HMCN2: variants seen among roughly 807,000 people sequenced by gnomAD.
HMCN2 encodes hemicentin 2, also known as hemicentin-2.
In HMCN2, 325 loss-of-function variants were observed where a neutral mutation model predicts 377.5. That is an observed-to-expected ratio of 0.86 (90% CI 0.79 to 0.94). The LOEUF (loss-of-function observed/expected upper bound fraction) is 0.94, where lower values mean the gene tolerates loss of function less well. HMCN2 is among the 40% of genes least tolerant of loss of function. HMCN2 has a pLI of 0.00. For missense variants in HMCN2, 4,543 were observed against 4,725.3 expected (o/e 0.96, Z 1.13); for synonymous variants, 2,007 against 2,046.8 (o/e 0.98, Z 0.53).
Position 130,303,949 on chromosome 9 carries a change from A to G in HMCN2, c.1543+341A>G, listed in dbSNP as rs1255431004. 6.6e-6 allele frequency among the ~76,000 whole-genome samples: 1 copy of G among 152,178 alleles called. No individual in the cohort carries two copies. The highest frequency in any genetic ancestry group is 1.5e-5 in the Non-Finnish European group (1 of 68,032). ...TTCGTGCCTCCAAGTCCCGGCCAGG[A>G]TGGCGCCATCGAGCTGGGGAGGTTG... is the stretch of plus-strand genomic sequence containing the variant. On this transcript the variant is annotated intron_variant, in intron 10 of 97. Coordinates refer to ENST00000683500, the MANE Select transcript of HMCN2 (RefSeq NM_001291815.2). The surrounding 1 kb of genome is among the most constrained non-coding windows in gnomAD (Gnocchi z 5.2).
intron 82 of HMCN2, chr9:130,407,328 A>G (rs1843150593): frequency 3.7e-6 from 1 of 271,408 alleles, no homozygotes; most frequent in Non-Finnish European, 7.3e-6. Flanking sequence ...GAGGCCCCCA[A>G]AAACCTGCCC....
chr9:130,269,625 G>C (rs946683184), intron 1 of HMCN2, among the ~76,000 whole-genome samples: 7 of 148,158 alleles, frequency 4.7e-5, no homozygotes, highest in African/African-American at 1.7e-4. Context: ...ATATCTTCTT[G>C]TTTCAATTGC....
At chr9:130,330,575 T>G (rs1838374468) in intron 22 of HMCN2, among the ~76,000 whole-genome samples, 1 of 152,100 alleles carries the variant, frequency 6.6e-6, no homozygotes, top group South Asian at 2.1e-4. Flanking sequence ...GGTGGGCCAC[T>G]GCTCTCTGAA....
intron 4 of HMCN2, among the ~76,000 whole-genome samples, chr9:130,292,294 C>T (rs991754558): frequency 6.6e-5 from 10 of 152,204 alleles, no homozygotes; most frequent in African/African-American, 2.2e-4. Flanking sequence ...TCGCTCTGTG[C>T]GGACATCTAG....
At chr9:130,289,451 G>A (rs1835618576) in intron 4 of HMCN2, among the ~76,000 whole-genome samples, 1 of 152,130 alleles carries the variant, frequency 6.6e-6, no homozygotes. Context: ...AGGGGGAGGT[G>A]GTTAGGGTTT....
intron 94 of HMCN2, chr9:130,429,940 G>T (rs575134688): frequency 5.9e-6 from 4 of 673,502 alleles, no homozygotes; most frequent in Non-Finnish European, 9.5e-6. Flanking sequence ...GTCATCTTCC[G>T]GGGAATTTCA....
At chr9:130,336,673 T>A (rs1838764615) in intron 22 of HMCN2, among the ~76,000 whole-genome samples, 1 of 152,144 alleles carries the variant, frequency 6.6e-6, no homozygotes, top group Admixed American at 6.5e-5. Context: ...GGCTGCTGGA[T>A]GCTCGGGACA....
chr9:130,386,316 C>A, intron 60 of HMCN2, 127 bp from the exon 61 acceptor site: 1 of 394,458 alleles, frequency 2.5e-6, no homozygotes, highest in Non-Finnish European at 4.6e-6. Context: ...TTTGGCTCCC[C>A]AGTCAGGACC....
At chr9:130,306,337 C>T in intron 12 of HMCN2, 67 bp downstream of exon 12, 1 of 455,470 alleles carries the variant, frequency 2.2e-6, no homozygotes, top group South Asian at 1.6e-5. Context: ...GGGGACCTCT[C>T]TGGGCCTTGG....
At chr9:130,392,254 C>A in intron 66 of HMCN2, 136 bp downstream of exon 66, 1 of 563,334 alleles carries the variant, frequency 1.8e-6, no homozygotes, top group Non-Finnish European at 2.3e-6. Context: ...GTGGACTGCG[C>A]CCCAGATGCT....
At chr9:130,373,876 G>GGA (rs1841222235) in intron 48 of HMCN2, among the ~76,000 whole-genome samples, 2 of 74,386 alleles carry the variant, frequency 2.7e-5, no homozygotes, top group Non-Finnish European at 6.9e-5. Flanking sequence ...GTGTGGATGG[G>GGA]TGCATGGATG....
rs1265202009 is a variant in HMCN2, at chr9:130,357,964, G to A, written c.5556G>A (p.Leu1852=). Residue 1852 remains leucine, a synonymous_variant, in exon 35 of 98, where the codon CTG becomes CTA. Transcript: ENST00000683500. ...GTTGGTGGAAGGATGGTGTAGCCCT[G>A]GCAGCCTTTGGGGGGAACCTACAGG... The part of the protein sequence containing the change: ...SLRWWKDGVA[L]AAFGGNLQIE... 7.7e-7 allele frequency: 1 copy of A among 1,304,082 alleles called. No individual in the cohort carries two copies. The highest frequency in any genetic ancestry group is 1.2e-5 in the South Asian group (1 of 81,016). 80.8% of individuals were successfully genotyped at this position (1,304,082 alleles called of 1,614,324 possible).
In HMCN2 at chr9:130,351,410, C is replaced by T. The variant is rs912887663; in HGVS notation, c.4431-13C>T. ...CGGCCTTACTGGCGCTTTTCCCTTG[C>T]CCGTCTCTCCAGGCCTGTCCTTCCG... On this transcript the variant is annotated splice_polypyrimidine_tract_variant and intron_variant, in intron 29 of 97. Coordinates refer to ENST00000683500, the MANE Select transcript of HMCN2 (RefSeq NM_001291815.2). The surrounding 1 kb of genome is among the most constrained non-coding windows in gnomAD (Gnocchi z 5.4). The T allele has an allele frequency of 1.1e-5, 14 of 1,296,532 alleles. No homozygotes were observed. Among genetic ancestry groups the T allele is most frequent in the Admixed American group, 2.3e-5 (1 of 43,240 alleles). The allele number at this position is 1,296,532 out of a possible 1,614,324, so 80.3% of individuals were successfully genotyped here. A position where few individuals can be genotyped will look rare whatever the true frequency, so the allele number is the denominator to read the frequency against.
rs568915342 is a variant in HMCN2, at chr9:130,392,059, C to T, written c.10077C>T (p.Asp3359=). ...CCATCCACGTGAGCTGGCTCAAGGA[C>T]GGCCTGCCCCTCCCGCTCTCCCAGC... ...SPPIHVSWLK[D]GLPLPLSQRT... Residue 3359 remains aspartate, a synonymous_variant, in exon 66 of 98, where the codon GAC becomes GAT. Transcript: ENST00000683500. 48 of 988,504 alleles carry T rather than the reference C, an allele frequency of 4.9e-5. No homozygotes were observed. In the South Asian group the frequency reaches 1.2e-3, roughly 24 times the overall value. The allele number at this position is 988,504 out of a possible 1,614,324, so 61.2% of individuals were successfully genotyped here.
chr9:130,354,339 G>C (rs1269359010), intron 31 of HMCN2, among the ~76,000 whole-genome samples: 1 of 152,190 alleles, frequency 6.6e-6, no homozygotes, highest in Admixed American at 6.5e-5. Flanking sequence ...AGCCATCTGG[G>C]CTCAGGTCTG....
In HMCN2 at chr9:130,403,664, AG is replaced by A. The variant is rs1348157855; in HGVS notation, c.12014-76del. The A allele has an allele frequency of 4.9e-6, 6 of 1,235,940 alleles. No individual in the cohort carries two copies. The East Asian group carries it at 2.9e-4, about 59-fold the overall frequency. 76.6% of individuals were successfully genotyped at this position (1,235,940 alleles called of 1,614,324 possible). A position where few individuals can be genotyped will look rare whatever the true frequency, so the allele number is the denominator to read the frequency against. Reference sequence around the variant, plus strand: ...GCAAGTCATTTGCTGCCTGTGAGACAGAATAGCCCAATCTGCCCACCTCGGG... The same window carrying A: ...GCAAGTCATTTGCTGCCTGTGAGACAAATAGCCCAATCTGCCCACCTCGGG... On this transcript the variant is annotated intron_variant, in intron 79 of 97. Coordinates refer to ENST00000683500, the MANE Select transcript of HMCN2 (RefSeq NM_001291815.2).
chr9:130,395,889 G>A, intron 71 of HMCN2, 35 bp from the exon 72 acceptor site: 2 of 1,275,510 alleles, frequency 1.6e-6, no homozygotes, highest in Non-Finnish European at 2.0e-6. Flanking sequence ...GCTGGGCACT[G>A]ATAAGGGTCT....
chr9:130,391,139 C>T lies in HMCN2; in HGVS notation c.9667+19C>T. ...GTGCTGGGTAGGTCTGCGCCTGCAC[C>T]CTCCTGTCCCACTCCCATGGCAGCC... On this transcript the variant is annotated intron_variant, in intron 63 of 97. Transcript: ENST00000683500. The T allele has an allele frequency of 1.0e-6, 1 of 987,830 alleles. No homozygotes were observed. The highest frequency in any genetic ancestry group is 1.2e-6 in the Non-Finnish European group (1 of 830,196). 61.2% of individuals were successfully genotyped at this position (987,830 alleles called of 1,614,324 possible).
chr9:130,405,324 G>A (rs890703917), intron 81 of HMCN2, among the ~76,000 whole-genome samples: 5 of 152,242 alleles, frequency 3.3e-5, no homozygotes, highest in African/African-American at 1.2e-4. Flanking sequence ...TCAGGGATAC[G>A]GTGATGACTT....
Sources: gnomAD v4.1 joint callset for allele counts (sites outside exome capture counted in the v4.1 genomes callset) on GRCh38, gnomAD v4.1.1 for gene constraint, Gnocchi (gnomAD v3.1) non-coding constraint, MANE v1.5 for transcripts, NCBI Gene and HGNC (gene_info 2026-07-23, HGNC 2026-07-21) for gene names.